Variants in ADAM32 observed in about 807,000 individuals in gnomAD.
The protein encoded by ADAM32 is ADAM metallopeptidase domain 32.
A neutral mutation model predicts 114.9 loss-of-function variants in ADAM32; 89 were observed. The observed-to-expected ratio is 0.77, with a 90% confidence interval of 0.65 to 0.92. The LOEUF (loss-of-function observed/expected upper bound fraction) is 0.92. Among genes scored for constraint, ADAM32 ranks in the 40% least tolerant of loss-of-function variants. The probability of loss-of-function intolerance (pLI) is 0.00; values close to 1 mark genes in which losing one functional copy is unlikely to be tolerated. For missense variants in ADAM32, 870 were observed against 932.8 expected (o/e 0.93, Z 0.88); for synonymous variants, 285 against 307.5 (o/e 0.93, Z 0.77).
chr8:39,242,386 G>GT (rs1267227755), intron 16 of ADAM32, among the ~76,000 whole-genome samples: 5 of 152,108 alleles, frequency 3.3e-5, no homozygotes, highest in Admixed American at 2.6e-4. Context: ...TACTGTATTA[G>GT]TTTTTTTCAT....
At chr8:39,143,618 T>A (rs1803315759) in intron 3 of ADAM32, among the ~76,000 whole-genome samples, 1 of 152,118 alleles carries the variant, frequency 6.6e-6, no homozygotes. Flanking sequence ...GTTTGAGGTG[T>A]CTGTCGACCC....
At position 39,169,963 on chromosome 8, in the gene ADAM32, T is replaced by A. The variant is rs769058176; in HGVS notation, c.881T>A (p.Met294Lys). Residue 294 changes from methionine (M) to lysine (K), a missense_variant, in exon 10 of 25, where the codon ATG (methionine) becomes AAG (lysine). Met to Lys is a moderately conservative substitution (Grantham distance 95). Coordinates refer to ENST00000379907, the MANE Select transcript of ADAM32 (RefSeq NM_145004.7). ...TTGGGAGCAGTGTTTCCTGGAACAATGTGTATTACTCGTTATTCTGCAGGA... is the reference window on the plus strand; with the variant it reads ...TTGGGAGCAGTGTTTCCTGGAACAAAGTGTATTACTCGTTATTCTGCAGGA... ...RYLGAVFPGT[M>K]CITRYSAGVA... 6.2e-7 allele frequency: 1 copy of A among 1,602,010 alleles called. No homozygotes were observed. The highest frequency in any genetic ancestry group is 8.5e-7 in the Non-Finnish European group (1 of 1,172,436).
intron 16 of ADAM32, among the ~76,000 whole-genome samples, chr8:39,241,961 T>C (rs1010718507): frequency 4.6e-5 from 7 of 152,258 alleles, no homozygotes; most frequent in African/African-American, 1.7e-4. Context: ...TAAAACTGAA[T>C]GCCTTTAATA....
rs551069066 is a variant in ADAM32, at chr8:39,152,627, T to A, written c.525+1079T>A. On this transcript the variant is annotated intron_variant, in intron 6 of 24. Coordinates refer to ENST00000379907, the MANE Select transcript of ADAM32 (RefSeq NM_145004.7). Reference sequence around the variant, plus strand: ...ATCCCAGCTACTCGGGAGCGGAGGCTGAAGAATTGTTTGAACCTGGGAGGT... The same window carrying A: ...ATCCCAGCTACTCGGGAGCGGAGGCAGAAGAATTGTTTGAACCTGGGAGGT... Among the ~76,000 whole-genome samples the A allele has an allele frequency of 6.8e-4, 102 of 150,662 alleles. 1 individual carries two copies. The highest frequency in any genetic ancestry group is 2.5e-3 in the African/African-American group (100 of 40,244).
chr8:39,269,685 G>A (rs1227175340), intron 19 of ADAM32, among the ~76,000 whole-genome samples: 2 of 152,078 alleles, frequency 1.3e-5, no homozygotes, highest in African/African-American at 4.8e-5. Context: ...GTGTAGTGTT[G>A]ACATTAACTC....
chr8:39,153,417 C>G (rs1358882433), intron 6 of ADAM32, among the ~76,000 whole-genome samples: 4 of 152,156 alleles, frequency 2.6e-5, no homozygotes, highest in African/African-American at 9.7e-5. Flanking sequence ...GACACCATGT[C>G]TTTGTTTATG....
chr8:39,203,649 T>C (rs955696929), intron 11 of ADAM32, among the ~76,000 whole-genome samples: 1 of 152,214 alleles, frequency 6.6e-6, no homozygotes, highest in Non-Finnish European at 1.5e-5. Context: ...TTAATATTGT[T>C]ATGTGTGAAT....
intron 17 of ADAM32, among the ~76,000 whole-genome samples, chr8:39,250,083 G>A (rs908033667): frequency 6.6e-5 from 10 of 151,868 alleles, no homozygotes; most frequent in Non-Finnish European, 1.2e-4. Context: ...TGATTTTTTT[G>A]TGGTAGGGGT....
rs554123248 is a variant in ADAM32 at position 39,200,908 on chromosome 8, C to T, written c.1053-10236C>T. On this transcript the variant is annotated intron_variant, in intron 11 of 24. Transcript: ENST00000379907. ...CGTTTCCCCATTTCTTGTTTTTGTCCGGTTTTTCCAAGATCAGATGGTTAT... is the reference window on the plus strand; with the variant it reads ...CGTTTCCCCATTTCTTGTTTTTGTCTGGTTTTTCCAAGATCAGATGGTTAT... 3.0e-4 allele frequency among the ~76,000 whole-genome samples: 46 copies of T among 152,112 alleles called. No individual in the cohort carries two copies. The South Asian group carries it at 6.7e-3, about 22-fold the overall frequency.
intron 2 of ADAM32, among the ~76,000 whole-genome samples, chr8:39,127,174 C>G (rs534762675): frequency 6.6e-6 from 1 of 152,120 alleles, no homozygotes; most frequent in South Asian, 2.1e-4. Flanking sequence ...CAGGATGATA[C>G]TGGCCTCATA....
intron 6 of ADAM32, among the ~76,000 whole-genome samples, chr8:39,155,632 G>A (rs1804096054): frequency 6.6e-6 from 1 of 152,160 alleles, no homozygotes; most frequent in Admixed American, 6.5e-5. Context: ...AGATGTCTAA[G>A]CCATACAGAG....
intron 6 of ADAM32, among the ~76,000 whole-genome samples, chr8:39,152,986 A>G (rs941858204): frequency 6.6e-6 from 1 of 152,232 alleles, no homozygotes; most frequent in African/African-American, 2.4e-5. Flanking sequence ...ATGGTCCACA[A>G]GGATGAGGCT....
At chr8:39,171,922 T>C (rs1805228636) in intron 10 of ADAM32, among the ~76,000 whole-genome samples, 1 of 151,528 alleles carries the variant, frequency 6.6e-6, no homozygotes, top group Non-Finnish European at 1.5e-5. Flanking sequence ...AGTTGTATAT[T>C]TCTTATACCC....
rs183519362 is a variant in ADAM32, at chr8:39,216,983, C to T, written c.1234-4627C>T. Among the ~76,000 whole-genome samples, 705 of 151,936 alleles carry T rather than the reference C, an allele frequency of 4.6e-3. 9 individuals carry two copies. Among genetic ancestry groups the T allele is most frequent in the Non-Finnish European group, 5.2e-3 (351 of 67,886 alleles). On this transcript the variant is annotated intron_variant, in intron 12 of 24. Transcript: ENST00000379907. ...ATGATTTATTATCACTCGTTAACGTCCTTTTTCTTTCTGATTAAATAATTC... is the reference window on the plus strand; with the variant it reads ...ATGATTTATTATCACTCGTTAACGTTCTTTTTCTTTCTGATTAAATAATTC...
chr8:39,262,881 A>T (rs921931259), intron 19 of ADAM32, among the ~76,000 whole-genome samples: 8 of 151,332 alleles, frequency 5.3e-5, no homozygotes, highest in Non-Finnish European at 1.5e-5. Context: ...ATTTTTTTTT[A>T]ATTTTTAATA....
At chr8:39,142,742 G>T (rs1803243488) in intron 3 of ADAM32, among the ~76,000 whole-genome samples, 2 of 152,156 alleles carry the variant, frequency 1.3e-5, no homozygotes, top group South Asian at 2.1e-4. Context: ...GAATTTGAAT[G>T]TTGGCCTGCC....
intron 19 of ADAM32, among the ~76,000 whole-genome samples, chr8:39,266,341 T>C (rs1812351943): frequency 6.6e-6 from 1 of 152,212 alleles, no homozygotes; most frequent in African/African-American, 2.4e-5. Flanking sequence ...CATATTGCTC[T>C]GATATTTTGT....
chr8:39,221,150 GTATATGGGGACCACCTT>G (rs1808932078), intron 12 of ADAM32: 1 of 154,106 alleles, frequency 6.5e-6, no homozygotes, highest in Non-Finnish European at 1.4e-5. Context: ...TACTTTAGTA[GTATATGGGGACCACCTT>G]TGTTTCTTTT....
intron 11 of ADAM32, among the ~76,000 whole-genome samples, chr8:39,203,341 G>A (rs936393167): frequency 3.0e-4 from 46 of 152,230 alleles, no homozygotes; most frequent in African/African-American, 1.1e-3. Flanking sequence ...ATATATTTAG[G>A]ATAGTTAGCT....
Sources: gnomAD v4.1 joint callset for allele counts (sites outside exome capture counted in the v4.1 genomes callset) on GRCh38, gnomAD v4.1.1 for gene constraint, MANE v1.5 for transcripts, NCBI Gene and HGNC (gene_info 2026-07-23, HGNC 2026-07-21) for gene names.